The following MRTFB variants were observed in gnomAD, a reference collection of about 807,000 sequenced individuals.
The protein encoded by MRTFB is myocardin-related transcription factor B.
In MRTFB, 29 loss-of-function variants were observed where a neutral mutation model predicts 104.2. The observed-to-expected ratio is 0.28, with a 90% CI of 0.21 to 0.38. The LOEUF (loss-of-function observed/expected upper bound fraction) is 0.38. Ranked by LOEUF, MRTFB falls within the 10% of genes least tolerant of loss-of-function variation. MRTFB has a pLI of 1.00. For synonymous variants in MRTFB, 535 were observed against 519.5 expected (o/e 1.03, Z -0.41); for missense variants, 1,270 against 1,341.6 (o/e 0.95, Z 0.83).
At chr16:14,215,415 C>T (rs1193106226) in intron 6 of MRTFB, among the ~76,000 whole-genome samples, 1 of 152,220 alleles carries the variant, frequency 6.6e-6, no homozygotes, top group Non-Finnish European at 1.5e-5. Flanking sequence ...AAGTTACTTC[C>T]TGAAGTTCAG....
chr16:14,263,236 C>G lies in MRTFB; in HGVS notation c.*1792C>G, dbSNP rs554082689. ...GTTCAGAAATTGGTAAACCAACACA[C>G]GGGATACAATAACTCTCTGTTAACC... is the stretch of plus-strand genomic sequence containing the variant. On this transcript the variant is annotated 3_prime_UTR_variant, in exon 17 of 17. Coordinates refer to ENST00000571589, the MANE Select transcript of MRTFB (RefSeq NM_001308142.2). 19 of 152,324 alleles carry G rather than the reference C, an allele frequency of 1.2e-4. No individual in the cohort carries two copies. The highest frequency in any genetic ancestry group is 2.5e-4 in the Non-Finnish European group (17 of 68,060). The allele number at this position is 152,324 out of a possible 1,614,324, so 9.4% of individuals were successfully genotyped here.
intron 3 of MRTFB, among the ~76,000 whole-genome samples, chr16:14,180,574 G>A (rs756552014): frequency 2.0e-5 from 3 of 152,206 alleles, no homozygotes; most frequent in African/African-American, 7.2e-5. Flanking sequence ...TCTTACACAA[G>A]TGTAGTCAGA....
chr16:14,011,529 A>G, the MRTFB span, among the ~76,000 whole-genome samples: 4 of 152,232 alleles, frequency 2.6e-5, no homozygotes, highest in Admixed American at 6.5e-5. Context: ...TTAATATGCT[A>G]ATGTGCACTG....
chr16:14,047,552 G>T, the MRTFB span, among the ~76,000 whole-genome samples: 1 of 152,148 alleles, frequency 6.6e-6, no homozygotes, highest in Non-Finnish European at 1.5e-5. Flanking sequence ...AGAAATAGAG[G>T]TTTAATGGAC....
chr16:14,088,402 G>A (rs2034852925), intron 2 of MRTFB, among the ~76,000 whole-genome samples: 1 of 152,204 alleles, frequency 6.6e-6, no homozygotes, highest in Admixed American at 6.5e-5. Flanking sequence ...AAACAAAACT[G>A]TGACTTGAAT....
At chr16:14,058,298 G>C in the MRTFB span, among the ~76,000 whole-genome samples, 1 of 152,222 alleles carries the variant, frequency 6.6e-6, no homozygotes, top group Admixed American at 6.5e-5. Context: ...CGGGAAGGGA[G>C]GGAGGATGTG....
At chr16:14,251,515 C>G (rs1186078399) in intron 13 of MRTFB, among the ~76,000 whole-genome samples, 2 of 152,148 alleles carry the variant, frequency 1.3e-5, no homozygotes, top group African/African-American at 4.8e-5. Flanking sequence ...TCTGTACCAC[C>G]ATCAAAGGCA....
chr16:14,145,935 C>A (rs916340352), intron 3 of MRTFB, among the ~76,000 whole-genome samples: 1 of 151,896 alleles, frequency 6.6e-6, no homozygotes, highest in African/African-American at 2.4e-5. Flanking sequence ...CCTGTGCCTA[C>A]ACTCTGAGGG....
chr16:14,162,028 T>C (rs1222941721), intron 3 of MRTFB, among the ~76,000 whole-genome samples: 2 of 151,838 alleles, frequency 1.3e-5, no homozygotes, highest in African/African-American at 4.8e-5. Context: ...CAAAAGATGA[T>C]GTTTTGGTCA....
intron 3 of MRTFB, chr16:14,153,159 G>A (rs1052253538): frequency 5.9e-5 from 9 of 152,158 alleles, no homozygotes; most frequent in African/African-American, 1.4e-4. Context: ...TAGTTATTGA[G>A]TTCTTGGCTG....
intron 2 of MRTFB, among the ~76,000 whole-genome samples, chr16:14,105,432 CTGT>C (rs1411507772): frequency 6.6e-6 from 1 of 151,728 alleles, no homozygotes; most frequent in African/African-American, 2.4e-5. Flanking sequence ...GGGTCTCGCT[CTGT>C]TGCCCAGGCA....
chr16:14,164,467 T>TG (rs35900821), intron 3 of MRTFB, among the ~76,000 whole-genome samples: 1 of 152,076 alleles, frequency 6.6e-6, no homozygotes, highest in South Asian at 2.1e-4. Flanking sequence ...GGGTGGGGGA[T>TG]GGGGGTGTTC....
intron 3 of MRTFB, chr16:14,200,322 G>C (rs564078979): frequency 6.2e-7 from 1 of 1,606,850 alleles, no homozygotes; most frequent in East Asian, 2.2e-5. Flanking sequence ...CTGCGCTGAC[G>C]TGGCTCCCGG....
At chr16:14,014,801 G>A in the MRTFB span, among the ~76,000 whole-genome samples, 4 of 152,238 alleles carry the variant, frequency 2.6e-5, no homozygotes, top group African/African-American at 9.6e-5. Context: ...CCCAGAAGGC[G>A]GAGGTTGTAG....
chr16:14,123,896 A>G (rs567038653), intron 2 of MRTFB, among the ~76,000 whole-genome samples: 3 of 152,336 alleles, frequency 2.0e-5, no homozygotes, highest in East Asian at 1.9e-4. Context: ...CTTCCTATCC[A>G]TGAGCATGGA....
rs750016398 is a variant in MRTFB at position 14,246,650 on chromosome 16, G to T, written c.1390G>T (p.Ala464Ser). Residue 464 changes from alanine (A) to serine (S), a missense_variant, in exon 12 of 17, where the codon GCC (alanine) becomes TCC (serine). Coordinates refer to ENST00000571589, the MANE Select transcript of MRTFB (RefSeq NM_001308142.2). The stretch of plus-strand genomic sequence containing the variant: ...CACCAGTAACCCAGAAGTCACTGTG[G>T]CCTTGCCGGTTACAACACTACACAA... ...IVTSNPEVTV[A>S]LPVTTLHNTV... 2.5e-6 allele frequency: 4 copies of T among 1,613,974 alleles called. No individual in the cohort carries two copies. Among genetic ancestry groups the T allele is most frequent in the Non-Finnish European group, 3.4e-6 (4 of 1,180,028 alleles).
chr16:14,029,560 T>A, the MRTFB span, among the ~76,000 whole-genome samples: 2 of 151,538 alleles, frequency 1.3e-5, no homozygotes, highest in South Asian at 4.2e-4. Context: ...TTTATATGTT[T>A]GTGTGTGGAA....
chr16:14,022,831 G>A, the MRTFB span, among the ~76,000 whole-genome samples: 1 of 150,856 alleles, frequency 6.6e-6, no homozygotes, highest in Non-Finnish European at 1.5e-5. Flanking sequence ...CGAGTGGCTG[G>A]GATTACAGGC....
intron 3 of MRTFB, among the ~76,000 whole-genome samples, chr16:14,196,082 A>G (rs1336945467): frequency 6.6e-6 from 1 of 152,246 alleles, no homozygotes; most frequent in Non-Finnish European, 1.5e-5. Context: ...CACAAGAAGC[A>G]TACTTTAAAT....
Sources: gnomAD v4.1 joint callset for allele counts (sites outside exome capture counted in the v4.1 genomes callset) on GRCh38, gnomAD v4.1.1 for gene constraint, MANE v1.5 for transcripts, NCBI Gene and HGNC (gene_info 2026-07-23, HGNC 2026-07-21) for gene names.